Variants in CA10 observed in about 807,000 individuals in gnomAD.
The protein encoded by CA10 is carbonic anhydrase-related protein 10.
Under a neutral mutation model 44.2 loss-of-function variants are expected in CA10, and 14 were observed. The ratio of observed to expected loss-of-function variants is 0.32; its 90% CI spans 0.21 to 0.50. CA10 has a LOEUF of 0.50. Among genes scored for constraint, CA10 ranks in the 20% least tolerant of loss-of-function variants. The probability of loss-of-function intolerance (pLI) is 0.99; values close to 1 mark genes in which losing one functional copy is unlikely to be tolerated. For synonymous variants in CA10, 159 were observed against 141.6 expected (o/e 1.12, Z -0.87); for missense variants, 350 against 409.7 (o/e 0.85, Z 1.26).
rs1912579670 is a variant in CA10 at position 51,631,592 on chromosome 17, G to A, written c.979C>T (p.Leu327Phe). The A allele has an allele frequency of 6.2e-7, 1 of 1,612,872 alleles. No homozygotes were observed. Among genetic ancestry groups the A allele is most frequent in the Non-Finnish European group, 8.5e-7 (1 of 1,179,202 alleles). ...CTTCTTGGCTTTGTTCCCTACTTGA[G>A]GAGCCATTCATTTACTGCAAAGAGA... The part of the protein sequence containing the change: ...KLQYRVNEWL[L>F]K The change falls in exon 9 of 9, where the codon CTC (leucine) becomes TTC (phenylalanine). Residue 327 changes from leucine (L) to phenylalanine (F), a missense_variant. Leu to Phe is a conservative substitution (Grantham distance 22, BLOSUM62 0). Transcript: ENST00000451037.
At chr17:51,690,061 C>G (rs1012781068) in intron 4 of CA10, among the ~76,000 whole-genome samples, 1 of 151,980 alleles carries the variant, frequency 6.6e-6, no homozygotes. Flanking sequence ...GATTCTCCTG[C>G]CTCAGTCTCC....
At chr17:51,752,758 G>C (rs941313383) in intron 3 of CA10, among the ~76,000 whole-genome samples, 5 of 152,002 alleles carry the variant, frequency 3.3e-5, no homozygotes, top group Admixed American at 6.6e-5. Flanking sequence ...GCGAAACCCC[G>C]TCTCTACTAA....
chr17:51,647,125 G>C (rs1440417211), intron 6 of CA10, among the ~76,000 whole-genome samples: 1 of 152,018 alleles, frequency 6.6e-6, no homozygotes, highest in Non-Finnish European at 1.5e-5. Flanking sequence ...AGGTGAAAAG[G>C]GTGTTTAAAT....
chr17:52,108,194 T>TATATATATA (rs1567735876), intron 1 of CA10, among the ~76,000 whole-genome samples: 1,308 of 57,446 alleles, frequency 0.023, 12 homozygotes, highest in Middle Eastern at 0.026. Context: ...TATATATTTT[T>TATATATATA]TATATATATA....
At position 52,031,051 on chromosome 17, in the gene CA10, T is replaced by A. The variant is rs72834293; in HGVS notation, c.136+41268A>T. ...TTCTCATTTATCCATACATATTTTA[T>A]TGATTCTGCCTCTCTGGAGAACCCT... On this transcript the variant is annotated intron_variant, in intron 2 of 8. Coordinates refer to ENST00000451037, the MANE Select transcript of CA10 (RefSeq NM_020178.5). Among the ~76,000 whole-genome samples, 274 of 152,288 alleles carry A rather than the reference T, an allele frequency of 1.8e-3. 1 individual carries two copies. Among genetic ancestry groups the A allele is most frequent in the Non-Finnish European group, 3.2e-3 (216 of 68,032 alleles).
chr17:51,725,888 G>C (rs148918503), intron 4 of CA10, among the ~76,000 whole-genome samples: 1 of 152,284 alleles, frequency 6.6e-6, no homozygotes, highest in East Asian at 1.9e-4. Flanking sequence ...ACCCTGAACT[G>C]TCTTGGGGGT....
rs148320901 is a variant in CA10, at chr17:52,132,904, A to G, written c.61+24822T>C. On this transcript the variant is annotated intron_variant, in intron 1 of 8. Transcript: ENST00000451037. ...ACAGGACCACAGTGAGACAACAGCA[A>G]GGGTACCTTGGAGCAGAGCCTAATA... Among the ~76,000 whole-genome samples, 589 of 152,282 alleles carry G rather than the reference A, an allele frequency of 3.9e-3. 3 individuals are homozygous for G. Among genetic ancestry groups the G allele is most frequent in the South Asian group, 0.028 (136 of 4,812 alleles).
intron 2 of CA10, among the ~76,000 whole-genome samples, chr17:52,004,959 C>A (rs1439120646): frequency 1.3e-5 from 2 of 151,774 alleles, no homozygotes; most frequent in Non-Finnish European, 2.9e-5. Context: ...CTCTTTTTCC[C>A]CCTCAAGTCA....
At chr17:52,016,494 C>T (rs1985971823) in intron 2 of CA10, among the ~76,000 whole-genome samples, 1 of 152,090 alleles carries the variant, frequency 6.6e-6, no homozygotes, top group Non-Finnish European at 1.5e-5. Context: ...GAAATGTGAC[C>T]TCCAATGTTG....
intron 1 of CA10, among the ~76,000 whole-genome samples, chr17:52,101,853 T>C (rs1988547539): frequency 6.6e-6 from 1 of 152,184 alleles, no homozygotes; most frequent in East Asian, 1.9e-4. Context: ...AATAGAAATA[T>C]TCAAAGGTAA....
chr17:52,159,838 C>T (rs1989903769), upstream of CA10: 1 of 152,242 alleles, frequency 6.6e-6, no homozygotes, highest in African/African-American at 2.4e-5. Context: ...CCTAAGAGGG[C>T]TGGGAACGAA....
chr17:51,749,882 G>C (rs990098840), intron 3 of CA10, among the ~76,000 whole-genome samples: 1 of 152,186 alleles, frequency 6.6e-6, no homozygotes, highest in Non-Finnish European at 1.5e-5. Context: ...CTTCGTTCTA[G>C]TTCCTTCAAG....
chr17:51,652,712 C>T (rs1388521953), intron 5 of CA10, among the ~76,000 whole-genome samples: 1 of 152,132 alleles, frequency 6.6e-6, no homozygotes, highest in Non-Finnish European at 1.5e-5. Flanking sequence ...GGTGCCCATT[C>T]TTCTGAGTAA....
chr17:52,130,568 A>G (rs549947302), intron 1 of CA10, among the ~76,000 whole-genome samples: 2 of 152,374 alleles, frequency 1.3e-5, no homozygotes, highest in East Asian at 3.9e-4. Context: ...ATATCGCATT[A>G]TCTCACTTAT....
intron 3 of CA10, among the ~76,000 whole-genome samples, chr17:51,885,486 ACTC>A (rs58022423): frequency 0.066 from 10,016 of 151,258 alleles, 637 homozygotes; most frequent in African/African-American, 0.17. Flanking sequence ...ACCCCCATCT[ACTC>A]CTCTTTTCCT....
chr17:52,065,243 C>T (rs183458905), intron 2 of CA10, among the ~76,000 whole-genome samples: 1 of 152,216 alleles, frequency 6.6e-6, no homozygotes, highest in Non-Finnish European at 1.5e-5. Context: ...GATCTCCAGA[C>T]TATTTCTACT....
At chr17:52,115,036 G>A (rs1988863235) in intron 1 of CA10, among the ~76,000 whole-genome samples, 1 of 152,186 alleles carries the variant, frequency 6.6e-6, no homozygotes, top group African/African-American at 2.4e-5. Context: ...TTTTTGTGCA[G>A]ATAAGGGAAC....
At chr17:52,003,713 C>T (rs1985506538) in intron 2 of CA10, among the ~76,000 whole-genome samples, 1 of 151,790 alleles carries the variant, frequency 6.6e-6, no homozygotes, top group Non-Finnish European at 1.5e-5. Context: ...CAAAAGTTCA[C>T]ACAAAAGGGA....
intron 4 of CA10, among the ~76,000 whole-genome samples, chr17:51,740,381 T>C (rs1303552741): frequency 6.6e-6 from 1 of 152,140 alleles, no homozygotes; most frequent in Non-Finnish European, 1.5e-5. Context: ...AGATGCGTAA[T>C]CATTCGTATT....
Sources: allele counts gnomAD v4.1 joint callset (sites outside exome capture counted in the v4.1 genomes callset), GRCh38; gene constraint gnomAD v4.1.1; transcripts MANE v1.5; gene names NCBI Gene and HGNC (gene_info 2026-07-23, HGNC 2026-07-21).